LCK: variants seen among roughly 807,000 people sequenced by gnomAD.
LCK encodes the protein LCK proto-oncogene, Src family tyrosine kinase, also known as tyrosine-protein kinase Lck.
LCK carries 14 observed loss-of-function variants against 64.6 expected under a neutral mutation model. The ratio of observed to expected loss-of-function variants is 0.22; its 90% confidence interval spans 0.14 to 0.34. The LOEUF (loss-of-function observed/expected upper bound fraction) is 0.34, where lower values mean the gene tolerates loss of function less well. Among genes scored for constraint, LCK ranks in the 10% least tolerant of loss-of-function variants. The pLI is 1.00. For missense variants in LCK, 434 were observed against 668.1 expected (o/e 0.65, Z 3.86); for synonymous variants, 277 against 263.6 (o/e 1.05, Z -0.49).
At chr1:32,273,348 G>A (rs187180792) in intron 1 of LCK, among the ~76,000 whole-genome samples, 93 of 149,498 alleles carry the variant, frequency 6.2e-4, no homozygotes, top group Non-Finnish European at 1.0e-3. Context: ...GGGTGCCTCT[G>A]TGTGTGTGTG....
At chr1:32,272,359 C>G (rs1042428313) in intron 1 of LCK, among the ~76,000 whole-genome samples, 8 of 151,958 alleles carry the variant, frequency 5.3e-5, no homozygotes, top group African/African-American at 1.9e-4. Flanking sequence ...GAGGCCAAGG[C>G]AGGAGGATTG....
chr1:32,280,602 C>T (rs1315304985), intron 12 of LCK, among the ~76,000 whole-genome samples: 8 of 151,844 alleles, frequency 5.3e-5, no homozygotes, highest in Non-Finnish European at 7.4e-5. Flanking sequence ...ATTACAGGTA[C>T]GTGCCACCAT....
chr1:32,275,793 G>T lies in LCK; in HGVS notation c.481+121G>T. On this transcript the variant is annotated intron_variant, in intron 6 of 12. Coordinates refer to ENST00000336890, the MANE Select transcript of LCK (RefSeq NM_005356.5). This position sits in a 1 kb window ranked among gnomAD's most constrained non-coding sequence, Gnocchi z 6.9. Reference sequence around the variant, plus strand: ...TCGGAGGGGGACGCGGGATGAGCCCGAGGTGGGGGCGCGGGATGACCCGGA... The same window carrying T: ...TCGGAGGGGGACGCGGGATGAGCCCTAGGTGGGGGCGCGGGATGACCCGGA... The T allele has an allele frequency of 7.0e-7, 1 of 1,423,014 alleles. No homozygotes were observed. Among genetic ancestry groups the T allele is most frequent in the African/African-American group, 1.4e-5 (1 of 70,976 alleles). The allele number at this position is 1,423,014 out of a possible 1,614,324, so 88.1% of individuals were successfully genotyped here. A position where few individuals can be genotyped will look rare whatever the true frequency, so the allele number is the denominator to read the frequency against.
chr1:32,266,269 A>G (rs1182117646), intron 1 of LCK, among the ~76,000 whole-genome samples: 1 of 151,680 alleles, frequency 6.6e-6, no homozygotes, highest in Non-Finnish European at 1.5e-5. Context: ...GAGGCGGGCA[A>G]ATCACAAGGT....
At chr1:32,263,441 AT>A (rs1360144293) in intron 1 of LCK, among the ~76,000 whole-genome samples, 6 of 118,476 alleles carry the variant, frequency 5.1e-5, no homozygotes, top group Non-Finnish European at 7.9e-5. Context: ...AAATAAATAA[AT>A]AAATAAAAAT....
rs149802834 is a variant in LCK at position 32,284,251 on chromosome 1, G to GATAT, written c.1328-1246_1328-1243dup. 2.6e-3 allele frequency among the ~76,000 whole-genome samples: 355 copies of GATAT among 138,542 alleles called. 1 individual carries two copies. The highest frequency in any genetic ancestry group is 7.5e-3 in the African/African-American group (282 of 37,630). The allele number at this position is 138,542 out of a possible 152,430, so 90.9% of individuals were successfully genotyped here. A position where few individuals can be genotyped will look rare whatever the true frequency, so the allele number is the denominator to read the frequency against. On this transcript the variant is annotated intron_variant, in intron 12 of 12. Coordinates refer to ENST00000336890, the MANE Select transcript of LCK (RefSeq NM_005356.5). ...CCTGGATAGATTTGATGCTTTCTGT[G>GATAT]ATATATATATATATATATATCTGTG...
At chr1:32,274,233 T>G in intron 1 of LCK, 92 bp from the exon 2 acceptor site, 1 of 1,600,112 alleles carries the variant, frequency 6.2e-7, no homozygotes. Context: ...TCAGGTACTT[T>G]TGGAACTTTC....
Position 32,280,141 on chromosome 1 carries a change from A to C in LCK, c.1258A>C (p.Lys420Gln). ...EAINYGTFTI[K>Q]SDVWSFGILL... The stretch of plus-strand genomic sequence containing the variant: ...CATTAACTACGGGACATTCACCATC[A>C]AGTCAGATGTGTGGTCTTTTGGGAT... The change falls in exon 12 of 13, where the codon AAG (lysine) becomes CAG (glutamine). Residue 420 changes from lysine to glutamine, a missense_variant. Lys to Gln is a moderately conservative substitution (Grantham distance 53). Around this residue, in one of 2 missense-constraint regions of LCK, gnomAD observed 201 missense variants for 376.9 expected, o/e 0.53. Coordinates refer to ENST00000336890, the MANE Select transcript of LCK (RefSeq NM_005356.5). 1 of 1,614,074 alleles carries C rather than the reference A, an allele frequency of 6.2e-7. No individual in the cohort carries two copies. Among genetic ancestry groups the C allele is most frequent in the Non-Finnish European group, 8.5e-7 (1 of 1,180,012 alleles).
chr1:32,273,359 T>C (rs1640164397), intron 1 of LCK, among the ~76,000 whole-genome samples: 1 of 148,984 alleles, frequency 6.7e-6, no homozygotes, highest in Admixed American at 6.7e-5. Flanking sequence ...TGTGTGTGTG[T>C]GAGAGTGTGT....
chr1:32,262,992 C>T (rs537690482), intron 1 of LCK, among the ~76,000 whole-genome samples: 3 of 151,894 alleles, frequency 2.0e-5, no homozygotes, highest in South Asian at 2.1e-4. Context: ...TCCAAGGTCA[C>T]GAGTAAGAAT....
chr1:32,274,210 G>C, intron 1 of LCK, 115 bp from the exon 2 acceptor site: 2 of 1,558,408 alleles, frequency 1.3e-6, no homozygotes, highest in Non-Finnish European at 1.7e-6. Flanking sequence ...GGGGATCCCA[G>C]GATCTCACAA....
chr1:32,286,149 T>C lies in LCK; in HGVS notation c.*433T>C, dbSNP rs570002627. The stretch of plus-strand genomic sequence containing the variant: ...ACACATCAGGAGTTCAATAAATGTC[T>C]GTTGATGACTGTTGTACATCTCTTT... On this transcript the variant is annotated 3_prime_UTR_variant, in exon 13 of 13. Transcript: ENST00000336890. The C allele has an allele frequency of 7.4e-6, 2 of 269,514 alleles. No individual in the cohort carries two copies. Among genetic ancestry groups the C allele is most frequent in the East Asian group, 1.0e-4 (2 of 19,294 alleles). The allele number at this position is 269,514 out of a possible 1,614,324, so 16.7% of individuals were successfully genotyped here.
chr1:32,262,094 G>A (rs1639790402), intron 1 of LCK, among the ~76,000 whole-genome samples: 1 of 148,288 alleles, frequency 6.7e-6, no homozygotes, highest in Non-Finnish European at 1.5e-5. Flanking sequence ...ATGTTGGCCA[G>A]GCTGGTCTCA....
intron 1 of LCK, among the ~76,000 whole-genome samples, chr1:32,258,803 CAAA>C (rs58703501): frequency 2.0e-4 from 12 of 60,706 alleles, no homozygotes; most frequent in South Asian, 1.9e-3. Context: ...GACTCCGTCT[CAAA>C]AAAAAAAAAA....
Position 32,286,117 on chromosome 1 carries a change from G to A in LCK, c.*401G>A. ...TCTGTGTGCTCCTCCTTGGTGCCTG[G>A]CCTGGCACACATCAGGAGTTCAATA... On this transcript the variant is annotated 3_prime_UTR_variant, in exon 13 of 13. Transcript: ENST00000336890. 1 of 307,150 alleles carries A rather than the reference G, an allele frequency of 3.3e-6. No homozygotes were observed. The highest frequency in any genetic ancestry group is 6.2e-6 in the Non-Finnish European group (1 of 161,538). 19.0% of individuals were successfully genotyped at this position (307,150 alleles called of 1,614,324 possible). A position where few individuals can be genotyped will look rare whatever the true frequency, so the allele number is the denominator to read the frequency against.
rs60654051 is a variant in LCK at position 32,265,382 on chromosome 1, T to C, written c.-5-8943T>C. Among the ~76,000 whole-genome samples the C allele has an allele frequency of 5.4e-3, 821 of 152,348 alleles. 7 individuals carry two copies. Among genetic ancestry groups the C allele is most frequent in the African/African-American group, 0.018 (761 of 41,582 alleles). On this transcript the variant is annotated intron_variant, in intron 1 of 12. Coordinates refer to ENST00000336890, the MANE Select transcript of LCK (RefSeq NM_005356.5). Reference sequence around the variant, plus strand: ...AAACTTCAGGCTGGGAGCCTCTGACTACAAACATTTCTGGCATTGCCAGAT... The same window carrying C: ...AAACTTCAGGCTGGGAGCCTCTGACCACAAACATTTCTGGCATTGCCAGAT...
rs370896900 is a variant in LCK at position 32,286,086 on chromosome 1, A to G, written c.*370A>G. 32 of 351,992 alleles carry G rather than the reference A, an allele frequency of 9.1e-5. No homozygotes were observed. The highest frequency in any genetic ancestry group is 4.2e-4 in the African/African-American group (21 of 50,336). 21.8% of individuals were successfully genotyped at this position (351,992 alleles called of 1,614,324 possible). A position where few individuals can be genotyped will look rare whatever the true frequency, so the allele number is the denominator to read the frequency against. On this transcript the variant is annotated 3_prime_UTR_variant, in exon 13 of 13. Transcript: ENST00000336890. The stretch of plus-strand genomic sequence containing the variant: ...TTCCTCAAGGGCCAGGACTTTATCT[A>G]ATACCTCTGTGTGCTCCTCCTTGGT...
intron 1 of LCK, among the ~76,000 whole-genome samples, chr1:32,260,358 C>G (rs888145693): frequency 2.6e-5 from 4 of 152,152 alleles, no homozygotes; most frequent in Admixed American, 2.0e-4. Flanking sequence ...GTTGCCCAGG[C>G]TGGTCTTGAA....
In LCK at chr1:32,285,831, C is replaced by A; in HGVS notation, c.*115C>A. 9.2e-7 allele frequency: 1 copy of A among 1,091,404 alleles called. No homozygotes were observed. The highest frequency in any genetic ancestry group is 1.3e-6 in the Non-Finnish European group (1 of 750,512). 67.6% of individuals were successfully genotyped at this position (1,091,404 alleles called of 1,614,324 possible). A position where few individuals can be genotyped will look rare whatever the true frequency, so the allele number is the denominator to read the frequency against. ...GCACATATGGACTCTGCACATGAAT[C>A]CCACCCACATGTGACACATATGCAC... is the stretch of plus-strand genomic sequence containing the variant. On this transcript the variant is annotated 3_prime_UTR_variant, in exon 13 of 13. Transcript: ENST00000336890.
Sources: gnomAD v4.1 joint callset for allele counts (sites outside exome capture counted in the v4.1 genomes callset) on GRCh38, gnomAD v4.1.1 for gene constraint, gnomAD v4.1.1 regional missense constraint, Gnocchi (gnomAD v3.1) non-coding constraint, MANE v1.5 for transcripts, NCBI Gene and HGNC (gene_info 2026-07-23, HGNC 2026-07-21) for gene names.